NDUFAF6: variants seen among roughly 807,000 people sequenced by gnomAD.
NDUFAF6 encodes NADH:ubiquinone oxidoreductase complex assembly factor 6.
In NDUFAF6, 45 loss-of-function variants were observed where a neutral mutation model predicts 40.8. The ratio of observed to expected loss-of-function variants is 1.10; its 90% CI spans 0.87 to 1.42. The LOEUF is 1.42. Among genes scored for constraint, NDUFAF6 ranks in the 40% most tolerant of loss-of-function variants. The pLI is 0.00. For missense variants in NDUFAF6, 435 were observed against 418.5 expected (o/e 1.04, Z -0.34); for synonymous variants, 185 against 155.9 (o/e 1.19, Z -1.39).
intron 1 of NDUFAF6, among the ~76,000 whole-genome samples, chr8:94,920,534 C>T (rs1012173656): frequency 2.0e-4 from 30 of 152,212 alleles, no homozygotes; most frequent in African/African-American, 7.0e-4. Flanking sequence ...ATTGCAGTCC[C>T]TGCATGTCCC....
At chr8:95,102,973 C>T (rs1809701031) in intron 2 of NDUFAF6, 1 of 152,176 alleles carries the variant, frequency 6.6e-6, no homozygotes, top group South Asian at 2.1e-4. Flanking sequence ...TTTTTCTCTA[C>T]AGGCTCTACA....
At chr8:95,052,368 A>G in intron 8 of NDUFAF6, 138 bp downstream of exon 8, 2 of 901,758 alleles carry the variant, frequency 2.2e-6, no homozygotes, top group Non-Finnish European at 3.5e-6. Context: ...GGCGGCTTTC[A>G]TTAGTTACTG....
chr8:95,013,182 G>T (rs1827296222), intron 2 of NDUFAF6, among the ~76,000 whole-genome samples: 1 of 151,874 alleles, frequency 6.6e-6, no homozygotes, highest in South Asian at 2.1e-4. Context: ...GCTCACTGCA[G>T]CCTCAAACTC....
At chr8:94,911,244 A>C (rs759924883) in intron 1 of NDUFAF6, among the ~76,000 whole-genome samples, 2 of 152,220 alleles carry the variant, frequency 1.3e-5, no homozygotes, top group Non-Finnish European at 2.9e-5. Flanking sequence ...GGTTTGAGAT[A>C]AACAGATGGA....
Position 94,909,348 on chromosome 8 carries a change from CAAAAAAAAAAAAAAAAAAAA to C in NDUFAF6, c.-936+13436_-936+13455del, listed in dbSNP as rs556065794. Reference sequence around the variant, plus strand: ...TGGACGACAGAGGGAGACTCCGTCTCAAAAAAAAAAAAAAAAAAAAAAAAAAAAAAAAAACACTTCGGGAG... The same window carrying C: ...TGGACGACAGAGGGAGACTCCGTCTCAAAAAAAAAAAAAACACTTCGGGAG... On this transcript the variant is annotated intron_variant, in intron 1 of 14. Coordinates refer to the NDUFAF6 transcript ENST00000396113. Among the ~76,000 whole-genome samples the C allele has an allele frequency of 6.7e-4, 62 of 91,906 alleles. 1 individual carries two copies. The highest frequency in any genetic ancestry group is 6.1e-4 in the African/African-American group (12 of 19,652). 60.3% of individuals were successfully genotyped at this position (91,906 alleles called of 152,430 possible).
At chr8:95,074,863 TTAGATC>T (rs1287308337) in intron 9 of NDUFAF6, among the ~76,000 whole-genome samples, 3 of 152,172 alleles carry the variant, frequency 2.0e-5, no homozygotes, top group African/African-American at 7.2e-5. Flanking sequence ...TGGAGAGCCC[TTAGATC>T]AAGGGCCTCA....
intron 2 of NDUFAF6, among the ~76,000 whole-genome samples, chr8:95,009,041 G>GA (rs1024194652): frequency 1.0e-4 from 15 of 150,578 alleles, no homozygotes; most frequent in East Asian, 3.9e-4. Flanking sequence ...TACCAAAAAA[G>GA]AAAAAAAAAT....
rs192425319 is a variant in NDUFAF6, at chr8:94,959,686, A to G, written c.-199+1507A>G. Among the ~76,000 whole-genome samples, 7 of 152,178 alleles carry G rather than the reference A, an allele frequency of 4.6e-5. No homozygotes were observed. The East Asian group carries it at 1.2e-3, about 25-fold the overall frequency. ...GTTGGGACTACAGGTGCATACCACC[A>G]TGCCAGGCTGTTATTTTTATTTTTT... On this transcript the variant is annotated intron_variant, in intron 1 of 9. Coordinates refer to the NDUFAF6 transcript ENST00000396111.
At chr8:94,905,745 C>A (rs1292459835) in intron 1 of NDUFAF6, among the ~76,000 whole-genome samples, 3 of 152,178 alleles carry the variant, frequency 2.0e-5, no homozygotes, top group African/African-American at 7.2e-5. Flanking sequence ...TGGTTCTCAT[C>A]CAGGGTGAGT....
intron 1 of NDUFAF6, among the ~76,000 whole-genome samples, chr8:94,917,936 T>A (rs1284771694): frequency 6.6e-6 from 1 of 152,236 alleles, no homozygotes; most frequent in Non-Finnish European, 1.5e-5. Flanking sequence ...TTTATGCTCA[T>A]GGTCCCTCTG....
At chr8:95,101,376 A>G (rs1234924680) in intron 2 of NDUFAF6, 3 of 152,128 alleles carry the variant, frequency 2.0e-5, no homozygotes, top group African/African-American at 2.4e-5. Context: ...TGCAATTCCC[A>G]CCCAATGCAA....
At position 94,909,887 on chromosome 8, in the gene NDUFAF6, G is replaced by A. The variant is rs1164890131; in HGVS notation, c.-936+13960G>A. ...GCTTCTCCAGCCAGTGCCTCTGTGT[G>A]TCACCTGGTTTCACTCAGCCTGAGA... On this transcript the variant is annotated intron_variant, in intron 1 of 14. Transcript: ENST00000396113. Among the ~76,000 whole-genome samples the A allele has an allele frequency of 3.3e-5, 5 of 151,874 alleles. No homozygotes were observed. The East Asian group carries it at 9.7e-4, about 29-fold the overall frequency.
chr8:95,048,295 C>T (rs1461455156), intron 6 of NDUFAF6, among the ~76,000 whole-genome samples, 162 bp from the exon 7 acceptor site: 1 of 152,136 alleles, frequency 6.6e-6, no homozygotes, highest in African/African-American at 2.4e-5. Flanking sequence ...TGCTCACATA[C>T]ATTTCTAAAG....
chr8:94,933,395 A>G (rs1820623115), intron 1 of NDUFAF6, among the ~76,000 whole-genome samples: 1 of 152,166 alleles, frequency 6.6e-6, no homozygotes, highest in African/African-American at 2.4e-5. Context: ...GAAGGAAGGA[A>G]GAAGAAGGAA....
At chr8:95,105,375 TTTG>T (rs1163155996), downstream of NDUFAF6, among the ~76,000 whole-genome samples, 8 of 151,664 alleles carry the variant, frequency 5.3e-5, no homozygotes, top group East Asian at 5.8e-4. Flanking sequence ...TTTTTTTTTT[TTTG>T]AGACAGGGTC....
chr8:95,000,212 C>T (rs544952735), intron 2 of NDUFAF6, among the ~76,000 whole-genome samples: 1 of 152,230 alleles, frequency 6.6e-6, no homozygotes, highest in East Asian at 1.9e-4. Flanking sequence ...TGGTGCATGC[C>T]TATAGTCCCA....
intron 1 of NDUFAF6, chr8:94,940,008 A>G: frequency 6.2e-7 from 1 of 1,614,170 alleles, no homozygotes; most frequent in Non-Finnish European, 8.5e-7. Context: ...ATAGTGGTTA[A>G]TCCACCTGCA....
intron 3 of NDUFAF6, among the ~76,000 whole-genome samples, chr8:95,037,583 A>G (rs1829649710): frequency 6.6e-6 from 1 of 152,154 alleles, no homozygotes; most frequent in Admixed American, 6.5e-5. Context: ...TGCCGAGAAC[A>G]CTTAAGAACT....
chr8:95,108,986 C>A (rs949350737), intron 4 of NDUFAF6, among the ~76,000 whole-genome samples: 1 of 151,878 alleles, frequency 6.6e-6, no homozygotes, highest in East Asian at 1.9e-4. Context: ...ATCATTGAAC[C>A]TAAGTGGAAT....
Sources: gnomAD v4.1 joint callset for allele counts (sites outside exome capture counted in the v4.1 genomes callset) on GRCh38, gnomAD v4.1.1 for gene constraint, MANE v1.5 for transcripts, NCBI Gene and HGNC (gene_info 2026-07-23, HGNC 2026-07-21) for gene names.